The following TTBK2 variants were observed in gnomAD, a reference collection of about 807,000 sequenced individuals.
TTBK2 encodes tau tubulin kinase 2.
Under a neutral mutation model 110.8 loss-of-function variants are expected in TTBK2, and 28 were observed. The observed-to-expected ratio is 0.25, with a 90% CI of 0.19 to 0.35. TTBK2 has a LOEUF of 0.35. Among genes scored for constraint, TTBK2 ranks in the 10% least tolerant of loss-of-function variants. TTBK2 has a pLI of 1.00. For missense variants in TTBK2, 1,369 were observed against 1,500.3 expected (o/e 0.91, Z 1.45); for synonymous variants, 532 against 527.3 (o/e 1.01, Z -0.12).
intron 1 of TTBK2, among the ~76,000 whole-genome samples, chr15:42,880,508 T>G (rs552905218): frequency 6.6e-6 from 1 of 152,268 alleles, no homozygotes; most frequent in African/African-American, 2.4e-5. Flanking sequence ...CATCTCAGCC[T>G]CCCAAGGAGC....
intron 1 of TTBK2, among the ~76,000 whole-genome samples, chr15:42,900,154 G>A (rs555982071): frequency 6.0e-5 from 9 of 150,948 alleles, no homozygotes; most frequent in Non-Finnish European, 1.2e-4. Context: ...CACCACGCCC[G>A]GCCAATTTTT....
intron 13 of TTBK2, among the ~76,000 whole-genome samples, chr15:42,770,192 C>A (rs143507832): frequency 0.017 from 2,544 of 152,016 alleles, 160 homozygotes; most frequent in Admixed American, 0.11. Context: ...ACATGTATAC[C>A]TATGTAACAA....
chr15:42,856,162 C>T (rs1416401683), intron 3 of TTBK2, among the ~76,000 whole-genome samples: 1 of 152,066 alleles, frequency 6.6e-6, no homozygotes, highest in African/African-American at 2.4e-5. Context: ...GGAAAACCAC[C>T]ATTTTGCAAT....
At chr15:42,787,018 G>T (rs149377398) in intron 10 of TTBK2, among the ~76,000 whole-genome samples, 63 of 152,294 alleles carry the variant, frequency 4.1e-4, no homozygotes, top group African/African-American at 1.5e-3. Flanking sequence ...ATGTGTGGAA[G>T]AACTGAAGAG....
chr15:42,835,052 T>C (rs1408271893), intron 4 of TTBK2, among the ~76,000 whole-genome samples: 1 of 152,194 alleles, frequency 6.6e-6, no homozygotes, highest in Non-Finnish European at 1.5e-5. Context: ...ATATAAAATA[T>C]ACTTGAGGAT....
At chr15:42,873,509 C>T (rs1894695639) in intron 2 of TTBK2, among the ~76,000 whole-genome samples, 1 of 152,044 alleles carries the variant, frequency 6.6e-6, no homozygotes, top group Non-Finnish European at 1.5e-5. Context: ...TCTGAGGTAC[C>T]TAACAGGGTC....
chr15:42,880,082 G>A (rs28715020), intron 1 of TTBK2, among the ~76,000 whole-genome samples: 67,974 of 151,558 alleles, frequency 0.45, 19,312 homozygotes, highest in African/African-American at 0.81. Context: ...GCATCTCGTG[G>A]TATAGTTTTG....
chr15:42,884,100 T>C (rs902908873), intron 1 of TTBK2, among the ~76,000 whole-genome samples: 1 of 151,852 alleles, frequency 6.6e-6, no homozygotes, highest in Non-Finnish European at 1.5e-5. Context: ...AAAAAGACCA[T>C]CAAAACACAT....
chr15:42,870,484 TTTTGAGAAG>T (rs1265748663), intron 3 of TTBK2, among the ~76,000 whole-genome samples: 2 of 151,956 alleles, frequency 1.3e-5, no homozygotes, highest in Non-Finnish European at 2.9e-5. Flanking sequence ...AATATCTGAA[TTTTGAGAAG>T]AGGAATTGGT....
intron 10 of TTBK2, among the ~76,000 whole-genome samples, chr15:42,794,163 G>A (rs1321132252): frequency 2.0e-5 from 3 of 149,106 alleles, no homozygotes; most frequent in Non-Finnish European, 3.0e-5. Flanking sequence ...TCTAATACAC[G>A]TAGAGGAAAA....
In TTBK2 at chr15:42,741,249, C is replaced by T. The variant is rs1283483456; in HGVS notation, c.*4546G>A. ...GACAGGGAAGTAGGATGTCCCAACA[C>T]CCTCTGAGGGTTTTCATGCATTAAT... On this transcript the variant is annotated 3_prime_UTR_variant, in exon 15 of 15. Transcript: ENST00000267890. 6.6e-6 allele frequency: 1 copy of T among 152,212 alleles called. No individual in the cohort carries two copies. The highest frequency in any genetic ancestry group is 2.4e-5 in the African/African-American group (1 of 41,446). 9.4% of individuals were successfully genotyped at this position (152,212 alleles called of 1,614,324 possible).
chr15:42,844,574 T>A (rs1893368566), intron 3 of TTBK2, among the ~76,000 whole-genome samples: 1 of 152,134 alleles, frequency 6.6e-6, no homozygotes, highest in South Asian at 2.1e-4. Context: ...CATAAATAAA[T>A]AAGCATGATA....
rs116700076 is a variant in TTBK2 at position 42,840,191 on chromosome 15, C to T, written c.291+169G>A. ...AAATAGCGGACAAAGACAATTATTTCATTTTTGGAAAATCTGTATCAAGTC... is the reference window on the plus strand; with the variant it reads ...AAATAGCGGACAAAGACAATTATTTTATTTTTGGAAAATCTGTATCAAGTC... On this transcript the variant is annotated intron_variant, in intron 4 of 14. Coordinates refer to ENST00000267890, the MANE Select transcript of TTBK2 (RefSeq NM_173500.4). Among the ~76,000 whole-genome samples the T allele has an allele frequency of 8.5e-3, 1,292 of 152,292 alleles. 20 individuals are homozygous for T. The highest frequency in any genetic ancestry group is 0.029 in the African/African-American group (1,221 of 41,564).
chr15:42,882,070 C>T (rs186665470), intron 1 of TTBK2, among the ~76,000 whole-genome samples: 1 of 151,398 alleles, frequency 6.6e-6, no homozygotes, highest in Non-Finnish European at 1.5e-5. Flanking sequence ...TGGGACAATA[C>T]CAAAAATTCT....
chr15:42,817,628 T>C (rs575352246), intron 6 of TTBK2, among the ~76,000 whole-genome samples: 3 of 152,356 alleles, frequency 2.0e-5, no homozygotes, highest in Admixed American at 2.0e-4. Context: ...ATGCTTAGTA[T>C]GTGCCACATA....
At chr15:42,790,924 T>A (rs1000247286) in intron 10 of TTBK2, among the ~76,000 whole-genome samples, 1 of 151,696 alleles carries the variant, frequency 6.6e-6, no homozygotes, top group Non-Finnish European at 1.5e-5. Flanking sequence ...CGCTCTGTCA[T>A]CCAGGCTGGA....
chr15:42,906,762 T>G (rs973410645), intron 1 of TTBK2, among the ~76,000 whole-genome samples: 1 of 152,074 alleles, frequency 6.6e-6, no homozygotes, highest in Non-Finnish European at 1.5e-5. Flanking sequence ...GAGAAAATAT[T>G]TGCAAACTAT....
At chr15:42,803,801 C>A (rs537414504) in intron 9 of TTBK2, among the ~76,000 whole-genome samples, 2 of 152,034 alleles carry the variant, frequency 1.3e-5, no homozygotes, top group Admixed American at 6.6e-5. Context: ...TAGGCCAAGG[C>A]GGGCCGATCA....
At chr15:42,775,787 G>A in intron 12 of TTBK2, 64 bp from the exon 13 acceptor site, 1 of 1,320,688 alleles carries the variant, frequency 7.6e-7, no homozygotes, top group Non-Finnish European at 1.0e-6. Context: ...TAATATATAA[G>A]CTCCATAAAG....
Sources: gnomAD v4.1 joint callset for allele counts (sites outside exome capture counted in the v4.1 genomes callset) on GRCh38, gnomAD v4.1.1 for gene constraint, MANE v1.5 for transcripts, NCBI Gene and HGNC (gene_info 2026-07-23, HGNC 2026-07-21) for gene names.